The following ZNF423 variants were observed in gnomAD, a reference collection of about 807,000 sequenced individuals.
The protein encoded by ZNF423 is Ebf-associated zinc finger protein.
ZNF423 carries 12 observed loss-of-function variants against 95.8 expected under a neutral mutation model. That is an observed-to-expected ratio of 0.13 (90% CI 0.08 to 0.20). ZNF423 has a LOEUF of 0.20. Ranked by LOEUF, ZNF423 falls within the 10% of genes least tolerant of loss-of-function variation. The pLI, the probability that ZNF423 is intolerant of heterozygous loss-of-function variation, is 1.00. For synonymous variants in ZNF423, 749 were observed against 711.9 expected (o/e 1.05, Z -0.83); for missense variants, 1,316 against 1,737.1 (o/e 0.76, Z 4.31).
intron 3 of ZNF423, among the ~76,000 whole-genome samples, chr16:49,687,189 C>T (rs1036599256): frequency 7.3e-5 from 11 of 151,718 alleles, no homozygotes; most frequent in East Asian, 1.9e-4. Flanking sequence ...CCTCCCAGGG[C>T]GCCACCAAGA....
intron 7 of ZNF423, among the ~76,000 whole-genome samples, chr16:49,497,222 T>C (rs1299716596): frequency 6.6e-6 from 1 of 151,732 alleles, no homozygotes; most frequent in African/African-American, 2.4e-5. Context: ...CATCCGCCCA[T>C]CTATTCATCT....
At chr16:49,532,112 G>A (rs2151721934) in intron 5 of ZNF423, among the ~76,000 whole-genome samples, 1 of 152,302 alleles carries the variant, frequency 6.6e-6, no homozygotes, top group South Asian at 2.1e-4. Context: ...AAGTTTTCTA[G>A]TCACTTTTTG....
At chr16:49,658,767 G>A (rs1383982056) in intron 3 of ZNF423, among the ~76,000 whole-genome samples, 1 of 152,230 alleles carries the variant, frequency 6.6e-6, no homozygotes, top group Non-Finnish European at 1.5e-5. Context: ...GGAGTGTGGG[G>A]CAGGGCCCCT....
intron 2 of ZNF423, among the ~76,000 whole-genome samples, chr16:49,758,048 G>T (rs2033760116): frequency 6.6e-6 from 1 of 152,160 alleles, no homozygotes; most frequent in African/African-American, 2.4e-5. Flanking sequence ...TAAATGGTAG[G>T]CACTTCCTGC....
chr16:49,799,143 C>G (rs1275681960), intron 1 of ZNF423, among the ~76,000 whole-genome samples: 1 of 152,124 alleles, frequency 6.6e-6, no homozygotes, highest in Non-Finnish European at 1.5e-5. Flanking sequence ...AGGCCAGAGA[C>G]TCGATCCACC....
At chr16:49,523,462 C>T (rs1443372507) in intron 7 of ZNF423, among the ~76,000 whole-genome samples, 162 bp downstream of exon 7, 1 of 152,220 alleles carries the variant, frequency 6.6e-6, no homozygotes, top group Non-Finnish European at 1.5e-5. Flanking sequence ...TGGCAGAGGC[C>T]AGGGGGCTGA....
At chr16:49,648,342 A>G (rs1596787333) in intron 3 of ZNF423, among the ~76,000 whole-genome samples, 1 of 152,302 alleles carries the variant, frequency 6.6e-6, no homozygotes, top group Non-Finnish European at 1.5e-5. Context: ...AAAAAGATTA[A>G]GAAAAGAACT....
chr16:49,529,324 A>T (rs1218906625), intron 5 of ZNF423, among the ~76,000 whole-genome samples: 3 of 152,192 alleles, frequency 2.0e-5, no homozygotes, highest in Admixed American at 6.5e-5. Flanking sequence ...AAAAAAAATA[A>T]AAATAAATAA....
At chr16:49,794,197 G>A (rs781142515) in intron 1 of ZNF423, among the ~76,000 whole-genome samples, 5 of 151,692 alleles carry the variant, frequency 3.3e-5, no homozygotes, top group African/African-American at 4.8e-5. Flanking sequence ...CACCACGCCC[G>A]GTGGATTTTT....
intron 3 of ZNF423, among the ~76,000 whole-genome samples, chr16:49,670,770 T>C (rs935720358): frequency 6.6e-6 from 1 of 152,240 alleles, no homozygotes; most frequent in Admixed American, 6.5e-5. Context: ...GCAGGGATTT[T>C]CTTAATTGCT....
rs1034988373 is a variant in ZNF423, at chr16:49,806,942, G to A, written c.41-17396C>T. On this transcript the variant is annotated intron_variant, in intron 1 of 7. Transcript: ENST00000563137. ...CTGGGGAGGCTGAGGCAGGAGAATC[G>A]CTTGAACCCGGGAGGTAGAGGTTGC... Among the ~76,000 whole-genome samples the A allele has an allele frequency of 2.0e-5, 3 of 150,854 alleles. No individual in the cohort carries two copies. The East Asian group carries it at 5.9e-4, about 29-fold the overall frequency.
At chr16:49,846,299 CAAAAAAAAAA>C (rs11338195) in intron 1 of ZNF423, among the ~76,000 whole-genome samples, 1 of 76,364 alleles carries the variant, frequency 1.3e-5, no homozygotes, top group Non-Finnish European at 2.5e-5. Context: ...GACTCTGTCT[CAAAAAAAAAA>C]AAAAAAAAAA....
chr16:49,638,294 G>T lies in ZNF423; in HGVS notation c.882C>A (p.His294Gln). The change falls in exon 4 of 8, where the codon CAC becomes CAA. Residue 294 changes from histidine to glutamine, a missense_variant. Coordinates refer to ENST00000563137, the MANE Select transcript of ZNF423 (RefSeq NM_001379286.1). The surrounding 1 kb of genome is among the most constrained non-coding windows in gnomAD (Gnocchi z 5.6). Reference protein sequence around the residue: ...EELEKHVLTRHPQLSEKADLQ... With the variant: ...EELEKHVLTRQPQLSEKADLQ... Reference sequence around the variant, plus strand: ...GGTCCGCCTTCTCGGACAGCTGCGGGTGGCGGGTGAGCACGTGCTTCTCCA... The same window carrying T: ...GGTCCGCCTTCTCGGACAGCTGCGGTTGGCGGGTGAGCACGTGCTTCTCCA... The T allele has an allele frequency of 6.2e-7, 1 of 1,613,756 alleles. No individual in the cohort carries two copies.
intron 2 of ZNF423, 52 bp downstream of exon 2, chr16:49,789,435 G>A: frequency 6.4e-7 from 1 of 1,568,044 alleles, no homozygotes; most frequent in Non-Finnish European, 8.6e-7. Context: ...TGAGTTCCTG[G>A]GCCAGCCCCC....
intron 1 of ZNF423, among the ~76,000 whole-genome samples, chr16:49,842,039 C>G (rs1165302541): frequency 1.3e-5 from 2 of 151,938 alleles, no homozygotes; most frequent in African/African-American, 4.8e-5. Context: ...TAGCTCGAGA[C>G]CAGCCTGGCC....
chr16:49,584,280 C>T (rs1260034580), intron 5 of ZNF423, among the ~76,000 whole-genome samples: 2 of 152,160 alleles, frequency 1.3e-5, no homozygotes, highest in African/African-American at 2.4e-5. Flanking sequence ...TACGAAAGAA[C>T]GTCTATCTAA....
intron 1 of ZNF423, among the ~76,000 whole-genome samples, chr16:49,801,953 A>T (rs187279021): frequency 2.0e-5 from 3 of 152,184 alleles, no homozygotes; most frequent in Non-Finnish European, 4.4e-5. Context: ...GGCTCAAGTG[A>T]TCCTCCCACT....
intron 2 of ZNF423, among the ~76,000 whole-genome samples, chr16:49,763,211 G>A (rs997512142): frequency 2.0e-5 from 3 of 152,130 alleles, no homozygotes; most frequent in Non-Finnish European, 2.9e-5. Flanking sequence ...TAAGCAAACT[G>A]GGTGACAGCA....
intron 1 of ZNF423, among the ~76,000 whole-genome samples, chr16:49,826,400 T>C (rs917003727): frequency 2.0e-5 from 3 of 152,136 alleles, no homozygotes; most frequent in African/African-American, 7.2e-5. Context: ...CTACCCAAAA[T>C]GCAGTTAAGG....
Sources: allele counts gnomAD v4.1 joint callset (sites outside exome capture counted in the v4.1 genomes callset), GRCh38; gene constraint gnomAD v4.1.1; non-coding constraint Gnocchi (gnomAD v3.1); transcripts MANE v1.5; gene names NCBI Gene and HGNC (gene_info 2026-07-23, HGNC 2026-07-21).